Variants in CHLSN observed in about 807,000 individuals in gnomAD.
The protein encoded by CHLSN is protein cholesin.
the CHLSN span, among the ~76,000 whole-genome samples, chr7:1,053,321 C>A: frequency 6.6e-6 from 1 of 152,234 alleles, no homozygotes; most frequent in African/African-American, 2.4e-5. Flanking sequence ...GGGGGAGGGG[C>A]GTCCACAGTA....
chr7:1,093,511 A>G, the CHLSN span: 1 of 470,852 alleles, frequency 2.1e-6, no homozygotes, highest in Non-Finnish European at 4.4e-6. Context: ...GGCCCGGAGC[A>G]GCAGGAAGGC....
chr7:1,078,573 C>A, the CHLSN span, among the ~76,000 whole-genome samples: 1 of 151,486 alleles, frequency 6.6e-6, no homozygotes. Context: ...CGAGGCCTAA[C>A]GCCCCCCACG....
the CHLSN span, chr7:985,065 G>C: frequency 6.2e-7 from 1 of 1,612,546 alleles, no homozygotes; most frequent in African/African-American, 1.3e-5. Flanking sequence ...TGCAGGAGCT[G>C]AAATGCCTCT....
the CHLSN span, among the ~76,000 whole-genome samples, chr7:1,123,895 C>T: frequency 2.2e-3 from 333 of 152,212 alleles, 1 homozygote; most frequent in African/African-American, 7.6e-3. This position sits in a 1 kb window ranked among gnomAD's most constrained non-coding sequence, Gnocchi z 4.4. Context: ...CATTCCCTGG[C>T]TTCCCAGGCC....
chr7:1,016,608 G>GCGCACGCCAGGGCACAGCAGCGCATGC, the CHLSN span, among the ~76,000 whole-genome samples: 14 of 102,606 alleles, frequency 1.4e-4, 2 homozygotes, highest in African/African-American at 6.0e-4. Flanking sequence ...GCAGCGTACA[G>GCGCACGCCAGGGCACAGCAGCGCATGC]CAGCGCACGC....
At chr7:1,117,413 T>C in the CHLSN span, among the ~76,000 whole-genome samples, 1 of 112,150 alleles carries the variant, frequency 8.9e-6, no homozygotes, top group Non-Finnish European at 1.7e-5. Context: ...ATGACATCAC[T>C]GCAGTTCTAC....
At chr7:1,059,713 CTTAG>C in the CHLSN span, among the ~76,000 whole-genome samples, 5 of 16,338 alleles carry the variant, frequency 3.1e-4, no homozygotes, top group Non-Finnish European at 4.9e-4. Flanking sequence ...TGAGGTGGGT[CTTAG>C]CGGGGCGGGT....
the CHLSN span, among the ~76,000 whole-genome samples, chr7:1,111,107 C>T: frequency 2.6e-5 from 4 of 152,196 alleles, no homozygotes; most frequent in African/African-American, 9.7e-5. Flanking sequence ...CAACAAAAAA[C>T]ATTTAATGTC....
the CHLSN span, among the ~76,000 whole-genome samples, chr7:1,029,625 C>T: frequency 3.3e-5 from 5 of 152,322 alleles, no homozygotes; most frequent in South Asian, 4.1e-4. Flanking sequence ...ACAGTGAGCC[C>T]GGAGGCTGGG....
At chr7:1,112,718 A>AG in the CHLSN span, among the ~76,000 whole-genome samples, 3 of 151,986 alleles carry the variant, frequency 2.0e-5, no homozygotes, top group African/African-American at 7.2e-5. Context: ...AAAAAAAAAA[A>AG]AAAAAGAAAA....
chr7:982,971 T>A, the CHLSN span, among the ~76,000 whole-genome samples: 1 of 152,126 alleles, frequency 6.6e-6, no homozygotes, highest in African/African-American at 2.4e-5. Context: ...CATGGATGCC[T>A]GACCCCAGAG....
the CHLSN span, chr7:1,045,754 G>A: frequency 1.3e-5 from 2 of 152,262 alleles, no homozygotes; most frequent in South Asian, 4.1e-4. Context: ...GAAGGCCTCT[G>A]AAGACAAGTG....
the CHLSN span, among the ~76,000 whole-genome samples, chr7:1,072,245 C>G: frequency 1.0e-3 from 159 of 152,348 alleles, no homozygotes; most frequent in African/African-American, 3.6e-3. Flanking sequence ...GGTGCCTCTG[C>G]TGCCCTTCTT....
chr7:1,055,023 G>A, the CHLSN span, among the ~76,000 whole-genome samples: 12 of 152,144 alleles, frequency 7.9e-5, no homozygotes, highest in African/African-American at 1.4e-4. Context: ...ACCTGGACAC[G>A]TGTCTGCCTG....
chr7:1,095,704 A>G, the CHLSN span, among the ~76,000 whole-genome samples: 3,007 of 152,302 alleles, frequency 0.02, 115 homozygotes, highest in African/African-American at 0.068. Context: ...CCAAGGAGGC[A>G]CTAGAAGGGT....
At chr7:990,531 C>A in the CHLSN span, among the ~76,000 whole-genome samples, 1 of 151,972 alleles carries the variant, frequency 6.6e-6, no homozygotes, top group Admixed American at 6.5e-5. Flanking sequence ...AAGCGGCGCC[C>A]CAAGGCCAGG....
the CHLSN span, among the ~76,000 whole-genome samples, chr7:989,947 G>GGCGGC: frequency 2.2e-5 from 3 of 139,176 alleles, no homozygotes; most frequent in Non-Finnish European, 4.6e-5. Flanking sequence ...CTGTGCTGGT[G>GGCGGC]GTGGCGTGGT....
the CHLSN span, among the ~76,000 whole-genome samples, chr7:1,033,840 A>G: frequency 0.11 from 16,401 of 151,566 alleles, 1,156 homozygotes; most frequent in Middle Eastern, 0.2. Flanking sequence ...CCAGGAAATC[A>G]GTAATGGAGG....
At chr7:997,833 G>A in the CHLSN span, 1 of 1,591,066 alleles carries the variant, frequency 6.3e-7, no homozygotes, top group Non-Finnish European at 8.6e-7. Context: ...GAGTTGGTCA[G>A]GGGCGGGGCA....
Sources: allele counts gnomAD v4.1 joint callset (sites outside exome capture counted in the v4.1 genomes callset), GRCh38; gene constraint gnomAD v4.1.1; non-coding constraint Gnocchi (gnomAD v3.1); transcripts MANE v1.5; gene names NCBI Gene and HGNC (gene_info 2026-07-23, HGNC 2026-07-21).